MROH9: variants seen among roughly 807,000 people sequenced by gnomAD.
MROH9 encodes the protein maestro heat-like repeat-containing protein family member 9.
Under a neutral mutation model 98.2 loss-of-function variants are expected in MROH9, and 92 were observed. The ratio of observed to expected loss-of-function variants is 0.94; its 90% confidence interval spans 0.79 to 1.11. The LOEUF is 1.11. Among genes scored for constraint, MROH9 ranks in the 50% most tolerant of loss-of-function variants. The pLI is 0.00. For synonymous variants in MROH9, 397 were observed against 368.9 expected (o/e 1.08, Z -0.87); for missense variants, 1,057 against 1,014.8 (o/e 1.04, Z -0.57).
At chr1:171,055,618 T>TAAAA (rs1204544479) in intron 20 of MROH9, among the ~76,000 whole-genome samples, 22 of 78,126 alleles carry the variant, frequency 2.8e-4, no homozygotes, top group Admixed American at 5.6e-4. Context: ...TGAGACTTCA[T>TAAAA]AAAAAAAAAA....
chr1:170,962,076 T>A, intron 6 of MROH9, 100 bp downstream of exon 6: 1 of 651,976 alleles, frequency 1.5e-6, no homozygotes, highest in Non-Finnish European at 2.5e-6. Flanking sequence ...CTCCTTCAAG[T>A]ATTTGATGAC....
intron 8 of MROH9, among the ~76,000 whole-genome samples, chr1:170,981,969 A>G (rs1439867831): frequency 3.9e-5 from 6 of 152,184 alleles, no homozygotes. Context: ...ATGTCACTGG[A>G]GCTCACATAC....
intron 20 of MROH9, among the ~76,000 whole-genome samples, chr1:171,033,012 G>A (rs1652974977): frequency 6.6e-6 from 1 of 152,240 alleles, no homozygotes; most frequent in African/African-American, 2.4e-5. Context: ...CACCCAGTGA[G>A]GAAGGATGGG....
At chr1:171,021,730 A>G (rs1277843549) in intron 17 of MROH9, among the ~76,000 whole-genome samples, 2 of 152,192 alleles carry the variant, frequency 1.3e-5, no homozygotes, top group East Asian at 3.8e-4. Context: ...AAGCAATTGC[A>G]ACAAAAGCAA....
intron 15 of MROH9, among the ~76,000 whole-genome samples, chr1:171,004,723 A>C (rs941722763): frequency 6.6e-6 from 1 of 152,114 alleles, no homozygotes; most frequent in Non-Finnish European, 1.5e-5. Flanking sequence ...CAGCCTCTGC[A>C]TGCTGTTCTG....
intron 17 of MROH9, among the ~76,000 whole-genome samples, chr1:171,020,596 T>A (rs1466508707): frequency 2.0e-5 from 3 of 151,948 alleles, no homozygotes; most frequent in Non-Finnish European, 4.4e-5. Flanking sequence ...ATAAACCTGG[T>A]ATTGTTGGAA....
chr1:170,975,130 A>G (rs1473147436), intron 8 of MROH9, among the ~76,000 whole-genome samples: 2 of 152,078 alleles, frequency 1.3e-5, no homozygotes, highest in Admixed American at 6.5e-5. Flanking sequence ...TAACCCAATC[A>G]TAATAAATGT....
At chr1:170,969,390 C>G (rs1650352110) in intron 7 of MROH9, among the ~76,000 whole-genome samples, 1 of 152,080 alleles carries the variant, frequency 6.6e-6, no homozygotes. Flanking sequence ...TGTTACATTC[C>G]TATTCTGTTA....
At chr1:171,024,792 T>A in intron 19 of MROH9, 27 bp downstream of exon 19, 1 of 1,338,846 alleles carries the variant, frequency 7.5e-7, no homozygotes, top group Non-Finnish European at 1.0e-6. Context: ...TTTTTACTAC[T>A]ATAAGAGTTG....
chr1:171,056,044 G>T (rs140670533), intron 20 of MROH9, among the ~76,000 whole-genome samples: 1 of 152,186 alleles, frequency 6.6e-6, no homozygotes, highest in Non-Finnish European at 1.5e-5. Context: ...CACCACCGGG[G>T]CCTAGGGCCT....
intron 10 of MROH9, 50 bp from the exon 11 acceptor site, chr1:170,989,805 G>A: frequency 6.5e-7 from 1 of 1,534,926 alleles, no homozygotes; most frequent in Non-Finnish European, 8.9e-7. Context: ...TGGTTTAGAG[G>A]TGACCATGGA....
chr1:171,058,110 A>T (rs1191096261), intron 20 of MROH9, among the ~76,000 whole-genome samples: 2 of 151,986 alleles, frequency 1.3e-5, no homozygotes, highest in Non-Finnish European at 2.9e-5. Context: ...CAGCCCAAAA[A>T]CTCCTTAAGC....
Position 171,064,084 on chromosome 1 carries a change from C to T in MROH9, c.2345-15C>T. The T allele has an allele frequency of 6.6e-7, 1 of 1,526,514 alleles. No individual in the cohort carries two copies. Among genetic ancestry groups the T allele is most frequent in the Non-Finnish European group, 8.8e-7 (1 of 1,140,290 alleles). 94.6% of individuals were successfully genotyped at this position (1,526,514 alleles called of 1,614,324 possible). A position where few individuals can be genotyped will look rare whatever the true frequency, so the allele number is the denominator to read the frequency against. On this transcript the variant is annotated splice_polypyrimidine_tract_variant and intron_variant, in intron 21 of 21. Coordinates refer to ENST00000367759, the MANE Select transcript of MROH9 (RefSeq NM_001163629.2). ...AAAGAGATAACTTGAACTAAAGTCT[C>T]TTCTGATATTACAGTTATTGAACGA...
intron 10 of MROH9, 58 bp downstream of exon 10, chr1:170,986,768 TG>T (rs1196429551): frequency 1.3e-4 from 196 of 1,554,124 alleles, no homozygotes; most frequent in Non-Finnish European, 1.7e-4. Flanking sequence ...TGTGCATTTT[TG>T]CCTGTGTTGT....
chr1:171,007,267 C>G (rs1484689625), intron 15 of MROH9, among the ~76,000 whole-genome samples: 1 of 152,168 alleles, frequency 6.6e-6, no homozygotes, highest in Non-Finnish European at 1.5e-5. Context: ...TTCTCTGGTT[C>G]CTGGGTGAAC....
chr1:170,953,249 G>A (rs181982559), intron 3 of MROH9, among the ~76,000 whole-genome samples: 52 of 152,054 alleles, frequency 3.4e-4, no homozygotes, highest in African/African-American at 1.2e-3. Flanking sequence ...TTGTTATTGA[G>A]TGTAAAATGT....
At chr1:170,971,919 A>G in intron 8 of MROH9, 36 bp downstream of exon 8, 1 of 1,606,280 alleles carries the variant, frequency 6.2e-7, no homozygotes, top group Non-Finnish European at 8.5e-7. Flanking sequence ...CAGGATTACT[A>G]AGAATATGTC....
At chr1:171,014,828 A>T (rs527362271) in intron 16 of MROH9, among the ~76,000 whole-genome samples, 1 of 152,198 alleles carries the variant, frequency 6.6e-6, no homozygotes, top group Non-Finnish European at 1.5e-5. Flanking sequence ...CATCACCTGG[A>T]GACTTGCTAG....
intron 20 of MROH9, among the ~76,000 whole-genome samples, chr1:171,052,827 G>T (rs1653712573): frequency 6.6e-6 from 1 of 152,146 alleles, no homozygotes; most frequent in Admixed American, 6.5e-5. Context: ...CAGGTGAGTA[G>T]GTGCATCAAA....
Sources: allele counts gnomAD v4.1 joint callset (sites outside exome capture counted in the v4.1 genomes callset), GRCh38; gene constraint gnomAD v4.1.1; transcripts MANE v1.5; gene names NCBI Gene and HGNC (gene_info 2026-07-23, HGNC 2026-07-21).